Variants in MTR observed in about 807,000 individuals in gnomAD.
MTR encodes methionine synthase.
MTR carries 84 observed loss-of-function variants against 154.8 expected under a neutral mutation model. The ratio of observed to expected loss-of-function variants is 0.54; its 90% CI spans 0.45 to 0.65. The LOEUF (loss-of-function observed/expected upper bound fraction) is 0.65, where lower values mean the gene tolerates loss of function less well. Ranked by LOEUF, MTR falls within the 30% of genes least tolerant of loss-of-function variation. The probability of loss-of-function intolerance (pLI) is 0.00; values close to 1 mark genes in which losing one functional copy is unlikely to be tolerated. For missense variants in MTR, 1,275 were observed against 1,570.2 expected, an observed-to-expected ratio of 0.81 and a Z score of 3.18; for synonymous variants, 554 against 553.9, an observed-to-expected ratio of 1.00 and a Z score of 0.00.
At chr1:236,822,312 G>GTTTTTTTTTTT (rs199660325) in intron 8 of MTR, among the ~76,000 whole-genome samples, 2 of 124,938 alleles carry the variant, frequency 1.6e-5, no homozygotes, top group Admixed American at 8.9e-5. Context: ...GGTTTTTTTT[G>GTTTTTTTTTTT]TTTTTTTTTT....
intron 24 of MTR, among the ~76,000 whole-genome samples, chr1:236,879,077 G>C (rs956911444): frequency 1.3e-5 from 2 of 152,218 alleles, no homozygotes; most frequent in African/African-American, 4.8e-5. Context: ...TGAGAAGCCT[G>C]TTAAAAACAC....
Position 236,795,291 on chromosome 1 carries a change from CA to C in MTR, c.-412del. 8.3e-7 allele frequency: 1 copy of C among 1,209,196 alleles called. No homozygotes were observed. Among genetic ancestry groups the C allele is most frequent in the Non-Finnish European group, 1.1e-6 (1 of 949,658 alleles). The allele number at this position is 1,209,196 out of a possible 1,614,324, so 74.9% of individuals were successfully genotyped here. A position where few individuals can be genotyped will look rare whatever the true frequency, so the allele number is the denominator to read the frequency against. On this transcript the variant is annotated 5_prime_UTR_variant, in exon 1 of 33. Coordinates refer to ENST00000366577, the MANE Select transcript of MTR (RefSeq NM_000254.3). The stretch of plus-strand genomic sequence containing the variant: ...TCCCACGCCGAGGATAGATTGAGCG[CA>C]GAACTAACCGCGCTCTGAAAGGTTC...
chr1:236,823,515 T>C lies in MTR; in HGVS notation c.765-604T>C, dbSNP rs142477855. On this transcript the variant is annotated intron_variant, in intron 8 of 32. Transcript: ENST00000366577. ...CAAGGATCCAGTCTAGGATGCCACA[T>C]TGCACTTAGGAATCACAGTAAAAGG... 3.9e-5 allele frequency among the ~76,000 whole-genome samples: 6 copies of C among 152,276 alleles called. No individual in the cohort carries two copies. In the East Asian group the frequency reaches 1.2e-3, roughly 29 times the overall value.
rs377758827 is a variant in MTR at position 236,860,628 on chromosome 1, G to A, written c.2044-497G>A. 6.6e-5 allele frequency among the ~76,000 whole-genome samples: 10 copies of A among 152,028 alleles called. No homozygotes were observed. The East Asian group carries it at 1.5e-3, about 24-fold the overall frequency. On this transcript the variant is annotated intron_variant, in intron 19 of 32. Transcript: ENST00000366577. ...AGTGTCATTTCTCCCCAGCCCTACA[G>A]CATTACAGTGAGAAAACTTACTGAT...
At position 236,897,561 on chromosome 1, in the gene MTR, G is replaced by A. The variant is rs1002386536; in HGVS notation, c.3715G>A (p.Glu1239Lys). ...AVGKISKDQV[E>K]DYALRKNISV... ...AAATGCTTCTCATCTTTTGCAGGTTGAGGATTATGCATTGAGGAAGAACAT... is the reference window on the plus strand; with the variant it reads ...AAATGCTTCTCATCTTTTGCAGGTTAAGGATTATGCATTGAGGAAGAACAT... The change falls in exon 33 of 33, where the codon GAG becomes AAG. Residue 1239 changes from glutamate (E) to lysine (K), a missense_variant. Glu to Lys is a moderately conservative substitution (Grantham distance 56). Transcript: ENST00000366577. 6.2e-7 allele frequency: 1 copy of A among 1,613,538 alleles called. No individual in the cohort carries two copies. The highest frequency in any genetic ancestry group is 8.5e-7 in the Non-Finnish European group (1 of 1,179,722).
intron 25 of MTR, among the ~76,000 whole-genome samples, chr1:236,883,561 G>A (rs1665867652): frequency 6.6e-6 from 1 of 152,216 alleles, no homozygotes; most frequent in Non-Finnish European, 1.5e-5. Flanking sequence ...ATACACTTCA[G>A]GGAGTTCAGA....
In MTR at chr1:236,795,614, G is replaced by A. The variant is rs1260845932; in HGVS notation, c.-90G>A. 9 of 1,602,780 alleles carry A rather than the reference G, an allele frequency of 5.6e-6. No individual in the cohort carries two copies. The South Asian group carries it at 9.9e-5, about 18-fold the overall frequency. Reference sequence around the variant, plus strand: ...GGGCCTTGTGTGGCAGGCTCGCCTGGCGCTGGCTGGCGTGGCCCTTGGCCG... The same window carrying A: ...GGGCCTTGTGTGGCAGGCTCGCCTGACGCTGGCTGGCGTGGCCCTTGGCCG... On this transcript the variant is annotated 5_prime_UTR_variant, in exon 1 of 33. An upstream open reading frame in the 5' UTR gains an earlier in-frame stop. Coordinates refer to ENST00000366577, the MANE Select transcript of MTR (RefSeq NM_000254.3).
At position 236,808,684 on chromosome 1, in the gene MTR, G is replaced by T. The variant is rs774766963; in HGVS notation, c.340-20G>T. ...CGGAGGAAAAGAAGGACAAGCTAAC[G>T]TTTGTGGTTGATACGTTAGGCCTAC... On this transcript the variant is annotated intron_variant, in intron 3 of 32. Transcript: ENST00000366577. The T allele has an allele frequency of 6.2e-7, 1 of 1,613,334 alleles. No homozygotes were observed. The highest frequency in any genetic ancestry group is 8.5e-7 in the Non-Finnish European group (1 of 1,179,404).
At chr1:236,885,650 T>A (rs1572332020) in intron 26 of MTR, among the ~76,000 whole-genome samples, 2 of 152,196 alleles carry the variant, frequency 1.3e-5, no homozygotes, top group East Asian at 3.8e-4. Context: ...TGCCCAACAC[T>A]GACTGTGCAG....
chr1:236,802,711 T>C (rs879565545), intron 1 of MTR, among the ~76,000 whole-genome samples: 1 of 151,744 alleles, frequency 6.6e-6, no homozygotes, highest in East Asian at 1.9e-4. Flanking sequence ...ACAGTAGATG[T>C]TGGAAGTATT....
chr1:236,901,465 T>C lies in MTR; in HGVS notation c.*3821T>C. ...TTAAAAACAATTATTTTAACCCAAC[T>C]TCCAGGGAGACTGAATTTCTTCTGC... On this transcript the variant is annotated 3_prime_UTR_variant, in exon 33 of 33. Coordinates refer to ENST00000366577, the MANE Select transcript of MTR (RefSeq NM_000254.3). 1 of 146,616 alleles carries C rather than the reference T, an allele frequency of 6.8e-6. No homozygotes were observed. Among genetic ancestry groups the C allele is most frequent in the Non-Finnish European group, 1.5e-5 (1 of 67,994 alleles). The allele number at this position is 146,616 out of a possible 1,614,324, so 9.1% of individuals were successfully genotyped here.
At chr1:236,847,188 G>A (rs967101348) in intron 15 of MTR, among the ~76,000 whole-genome samples, 2 of 152,098 alleles carry the variant, frequency 1.3e-5, no homozygotes, top group Non-Finnish European at 2.9e-5. Flanking sequence ...TACTGGGCCG[G>A]GCCACTTCTT....
chr1:236,888,768 ATTGT>A (rs752327663), intron 27 of MTR, among the ~76,000 whole-genome samples: 1 of 152,142 alleles, frequency 6.6e-6, no homozygotes, highest in Non-Finnish European at 1.5e-5. Context: ...AATCTAGATG[ATTGT>A]TTCCGGTTTT....
chr1:236,888,909 TTGGGCAGGGGG>T (rs1666166107), intron 27 of MTR, among the ~76,000 whole-genome samples: 2 of 152,196 alleles, frequency 1.3e-5, no homozygotes, highest in Non-Finnish European at 2.9e-5. Flanking sequence ...TCTTTCCTTC[TTGGGCAGGGGG>T]TGGGGATGGA....
At chr1:236,800,421 C>T in intron 1 of MTR, 1 of 985,424 alleles carries the variant, frequency 1.0e-6, no homozygotes, top group Non-Finnish European at 1.2e-6. Context: ...GATGTCATTT[C>T]AGGGAGAATT....
chr1:236,880,914 A>C, intron 25 of MTR, 78 bp downstream of exon 25: 2 of 1,333,194 alleles, frequency 1.5e-6, no homozygotes, highest in Non-Finnish European at 2.2e-6. Context: ...CTTAAGATCT[A>C]TTCATTTTTA....
At position 236,864,148 on chromosome 1, in the gene MTR, G is replaced by A. The variant is rs190280886; in HGVS notation, c.2405+594G>A. On this transcript the variant is annotated intron_variant, in intron 22 of 32. Transcript: ENST00000366577. ...TGCATGTGAGAGCTGATGACCTGTA[G>A]TAAGTATGTGTTTCGCTTAGATTTG... Among the ~76,000 whole-genome samples the A allele has an allele frequency of 1.1e-3, 164 of 152,290 alleles. 1 individual carries two copies. Among genetic ancestry groups the A allele is most frequent in the Admixed American group, 3.0e-3 (46 of 15,298 alleles).
chr1:236,799,323 T>A (rs1296777080), intron 1 of MTR, among the ~76,000 whole-genome samples: 1 of 151,324 alleles, frequency 6.6e-6, no homozygotes, highest in African/African-American at 2.4e-5. Context: ...ATGAGGCCAC[T>A]GTGTTGCCCA....
Position 236,795,622 on chromosome 1 carries a change from T to G in MTR, c.-82T>G. 6.2e-7 allele frequency: 1 copy of G among 1,606,596 alleles called. No individual in the cohort carries two copies. The highest frequency in any genetic ancestry group is 8.5e-7 in the Non-Finnish European group (1 of 1,178,656). On this transcript the variant is annotated 5_prime_UTR_variant, in exon 1 of 33. Transcript: ENST00000366577. Reference sequence around the variant, plus strand: ...TGTGGCAGGCTCGCCTGGCGCTGGCTGGCGTGGCCCTTGGCCGTCGTCACC... The same window carrying G: ...TGTGGCAGGCTCGCCTGGCGCTGGCGGGCGTGGCCCTTGGCCGTCGTCACC...
Sources: allele counts gnomAD v4.1 joint callset (sites outside exome capture counted in the v4.1 genomes callset), GRCh38; gene constraint gnomAD v4.1.1; transcripts MANE v1.5; gene names NCBI Gene and HGNC (gene_info 2026-07-23, HGNC 2026-07-21).